RNFT2: variants seen among roughly 807,000 people sequenced by gnomAD.
RNFT2 encodes ring finger protein, transmembrane 2, also known as E3 ubiquitin-protein ligase RNFT2.
In RNFT2, 36 loss-of-function variants were observed where a neutral mutation model predicts 53.0. The observed-to-expected ratio is 0.68, with a 90% CI of 0.52 to 0.90. RNFT2 has a LOEUF of 0.90. Ranked by LOEUF, RNFT2 falls within the 40% of genes least tolerant of loss-of-function variation. The probability of loss-of-function intolerance (pLI) is 0.00; values close to 1 mark genes in which losing one functional copy is unlikely to be tolerated. For synonymous variants in RNFT2, 260 were observed against 253.2 expected (o/e 1.03, Z -0.26); for missense variants, 514 against 585.6 (o/e 0.88, Z 1.26).
intron 7 of RNFT2, among the ~76,000 whole-genome samples, chr12:116,811,731 A>G (rs2137166803): frequency 6.6e-6 from 1 of 152,250 alleles, no homozygotes; most frequent in Non-Finnish European, 1.5e-5. Flanking sequence ...ATCCACCCTC[A>G]TGACCCTCGT....
At chr12:116,749,283 C>A (rs1006638184) in intron 3 of RNFT2, among the ~76,000 whole-genome samples, 2 of 40,210 alleles carry the variant, frequency 5.0e-5, no homozygotes, top group Admixed American at 3.6e-4. Context: ...CCTCTTTCCC[C>A]CCCCACCACC....
At chr12:116,774,780 G>GTGGAGGGTGGAGGGGA (rs1474035946) in intron 6 of RNFT2, among the ~76,000 whole-genome samples, 1 of 150,448 alleles carries the variant, frequency 6.6e-6, no homozygotes, top group African/African-American at 2.5e-5. Flanking sequence ...CGGGTGGAGG[G>GTGGAGGGTGGAGGGGA]TGGAGGGTGG....
chr12:116,740,729 A>G, intron 2 of RNFT2: 1 of 640,240 alleles, frequency 1.6e-6, no homozygotes, highest in Non-Finnish European at 2.8e-6. Context: ...TCCGCTGCCC[A>G]CTTCACTTCA....
rs777276989 is a variant in RNFT2 at position 116,779,341 on chromosome 12, A to C, written c.875A>C (p.Lys292Thr). The C allele has an allele frequency of 1.5e-5, 24 of 1,613,852 alleles. No individual in the cohort carries two copies. Among genetic ancestry groups the C allele is most frequent in the Non-Finnish European group, 2.0e-5 (24 of 1,179,888 alleles). ...CTGCCCAAGATCATCCTGGCTGTCA[A>C]GTCCAAGGTAGGCACTGGCTGCGGC... ...VALPKIILAV[K>T]SKGKFYLVIE... Residue 292 changes from lysine (K) to threonine (T), a missense_variant, in exon 7 of 11, where the codon AAG becomes ACG. Around this residue, in one of 3 missense-constraint regions of RNFT2, gnomAD observed 273 missense variants for 334.4 expected, o/e 0.82. Coordinates refer to ENST00000257575, the MANE Select transcript of RNFT2 (RefSeq NM_001382266.1).
At chr12:116,787,786 G>A (rs988895715) in intron 7 of RNFT2, among the ~76,000 whole-genome samples, 7 of 151,994 alleles carry the variant, frequency 4.6e-5, no homozygotes, top group African/African-American at 1.7e-4. Flanking sequence ...AGAGGAGGCA[G>A]GTGAGGCTTT....
At chr12:116,794,652 AAGGAAGGAAGGG>A (rs1874404417) in intron 7 of RNFT2, among the ~76,000 whole-genome samples, 1 of 16,868 alleles carries the variant, frequency 5.9e-5, no homozygotes, top group Non-Finnish European at 1.9e-4. Context: ...GGGGAGAAGG[AAGGAAGGAAGGG>A]AGGAAGGAAG....
Position 116,810,139 on chromosome 12 carries a change from C to A in RNFT2, c.883-23653C>A, listed in dbSNP as rs527490986. 2.6e-5 allele frequency among the ~76,000 whole-genome samples: 4 copies of A among 152,300 alleles called. No individual in the cohort carries two copies. The East Asian group carries it at 5.8e-4, about 22-fold the overall frequency. On this transcript the variant is annotated intron_variant, in intron 7 of 10. Transcript: ENST00000257575. ...ATGGGGTTCTGCAGACCAGGAGTTT[C>A]ACGCTGAAAGCTCACAGTCCAGTGG...
intron 7 of RNFT2, among the ~76,000 whole-genome samples, chr12:116,810,772 G>A (rs1210026044): frequency 1.3e-5 from 2 of 152,182 alleles, no homozygotes; most frequent in Non-Finnish European, 2.9e-5. Flanking sequence ...CTGCTCCTGA[G>A]GGGGAAGACA....
intron 5 of RNFT2, chr12:116,755,247 C>T (rs957581410): frequency 4.2e-5 from 25 of 594,946 alleles, no homozygotes; most frequent in Non-Finnish European, 6.8e-5. Context: ...AAAGGGTGTC[C>T]TTTCCCCACT....
intron 6 of RNFT2, among the ~76,000 whole-genome samples, chr12:116,775,912 A>G (rs1191805290): frequency 6.6e-6 from 1 of 152,052 alleles, no homozygotes; most frequent in Non-Finnish European, 1.5e-5. Flanking sequence ...GCGTGGTGGT[A>G]GGCATCTGTA....
chr12:116,781,279 G>C (rs117735574), intron 7 of RNFT2, among the ~76,000 whole-genome samples: 11 of 152,188 alleles, frequency 7.2e-5, no homozygotes, highest in Non-Finnish European at 1.5e-4. Flanking sequence ...CTGCCCAGGG[G>C]GCTGACCTGC....
chr12:116,781,880 C>T (rs905959974), intron 7 of RNFT2, among the ~76,000 whole-genome samples: 3 of 151,892 alleles, frequency 2.0e-5, no homozygotes, highest in African/African-American at 4.8e-5. Flanking sequence ...AGTTCAAAAC[C>T]AGCCTGGGCT....
chr12:116,765,516 C>A (rs1872870050), intron 5 of RNFT2, among the ~76,000 whole-genome samples: 1 of 152,088 alleles, frequency 6.6e-6, no homozygotes, highest in African/African-American at 2.4e-5. Context: ...CATCTTATTC[C>A]AGCAATGCAG....
chr12:116,750,816 A>G (rs1387929491), intron 4 of RNFT2, among the ~76,000 whole-genome samples: 1 of 5,068 alleles, frequency 2.0e-4, no homozygotes, highest in Non-Finnish European at 8.2e-4. Flanking sequence ...TATAATATAT[A>G]TATTATATAT....
chr12:116,849,324 G>T lies in RNFT2; in HGVS notation c.1211G>T (p.Cys404Phe). ...PLILLCQHVF[C>F]EECLCLWLDR... Reference sequence around the variant, plus strand: ...TTGCTGTCCCCGCAGCACGTGTTCTGTGAGGAGTGCCTCTGCCTGTGGCTG... The same window carrying T: ...TTGCTGTCCCCGCAGCACGTGTTCTTTGAGGAGTGCCTCTGCCTGTGGCTG... Residue 404 changes from cysteine (C) to phenylalanine (F), a missense_variant, in exon 11 of 11, where the codon TGT (cysteine) becomes TTT (phenylalanine). This residue lies in a region of RNFT2 where 273 missense variants were observed against 334.4 expected (regional missense o/e 0.82). Coordinates refer to ENST00000257575, the MANE Select transcript of RNFT2 (RefSeq NM_001382266.1). 1 of 1,540,636 alleles carries T rather than the reference G, an allele frequency of 6.5e-7. No homozygotes were observed. Among genetic ancestry groups the T allele is most frequent in the Non-Finnish European group, 8.7e-7 (1 of 1,146,180 alleles).
At chr12:116,761,481 A>G (rs770803600) in intron 5 of RNFT2, among the ~76,000 whole-genome samples, 1 of 152,046 alleles carries the variant, frequency 6.6e-6, no homozygotes, top group African/African-American at 2.4e-5. Flanking sequence ...CTTCATGCTT[A>G]TGGCCATTCC....
chr12:116,782,093 A>AAAAAAAAAAAAAAAG (rs1200651651), intron 7 of RNFT2: 1 of 149,436 alleles, frequency 6.7e-6, no homozygotes, highest in Non-Finnish European at 1.5e-5. Flanking sequence ...AAAAAAAAAA[A>AAAAAAAAAAAAAAAG]ATGTGGACAT....
intron 7 of RNFT2, among the ~76,000 whole-genome samples, chr12:116,821,863 CTGGAGTGCA>C (rs138742377): frequency 0.024 from 2,847 of 116,320 alleles, 103 homozygotes; most frequent in African/African-American, 0.084. Flanking sequence ...GTCGCCCAGG[CTGGAGTGCA>C]TGGAGTGCAT....
intron 10 of RNFT2, among the ~76,000 whole-genome samples, chr12:116,842,522 C>T (rs1007014250): frequency 1.3e-5 from 2 of 152,120 alleles, no homozygotes; most frequent in African/African-American, 4.8e-5. Flanking sequence ...ACATAAAGAA[C>T]ATTGGCAGGG....
Sources: gnomAD v4.1 joint callset for allele counts (sites outside exome capture counted in the v4.1 genomes callset) on GRCh38, gnomAD v4.1.1 for gene constraint, gnomAD v4.1.1 regional missense constraint, MANE v1.5 for transcripts, NCBI Gene and HGNC (gene_info 2026-07-23, HGNC 2026-07-21) for gene names.